Variants in RIMS1 observed in about 807,000 individuals in gnomAD.
RIMS1 encodes the protein regulating synaptic membrane exocytosis 1, also known as regulating synaptic membrane exocytosis protein 1.
A neutral mutation model predicts 214.1 loss-of-function variants in RIMS1; 83 were observed. The observed-to-expected ratio is 0.39, with a 90% CI of 0.32 to 0.47. RIMS1 has a LOEUF of 0.47. Ranked by LOEUF, RIMS1 falls within the 20% of genes least tolerant of loss-of-function variation. The pLI, the probability that RIMS1 is intolerant of heterozygous loss-of-function variation, is 0.99. For missense variants in RIMS1, 2,050 were observed against 2,161.8 expected (o/e 0.95, Z 1.03); for synonymous variants, 793 against 786.8 (o/e 1.01, Z -0.13).
At chr6:72,082,555 T>G (rs1833670903) in intron 2 of RIMS1, among the ~76,000 whole-genome samples, 1 of 152,184 alleles carries the variant, frequency 6.6e-6, no homozygotes, top group Admixed American at 6.5e-5. Context: ...CTAGAACCAC[T>G]GGGCTCTGCT....
chr6:72,325,479 T>A (rs2096413386), intron 28 of RIMS1, among the ~76,000 whole-genome samples: 1 of 151,096 alleles, frequency 6.6e-6, no homozygotes, highest in Non-Finnish European at 1.5e-5. Context: ...ACTATTAGAA[T>A]TAATGAATTT....
intron 2 of RIMS1, among the ~76,000 whole-genome samples, chr6:71,981,808 T>C (rs1246202364): frequency 6.6e-6 from 1 of 152,136 alleles, no homozygotes; most frequent in African/African-American, 2.4e-5. Context: ...TCATTCACTT[T>C]TTCATTTCTT....
At chr6:72,329,233 G>T (rs1387065398) in intron 28 of RIMS1, among the ~76,000 whole-genome samples, 2 of 151,650 alleles carry the variant, frequency 1.3e-5, no homozygotes, top group Non-Finnish European at 3.0e-5. Flanking sequence ...GTCTTTGGTG[G>T]GACTTCCAGT....
At chr6:72,254,876 A>G (rs1180876244) in intron 16 of RIMS1, among the ~76,000 whole-genome samples, 1 of 152,176 alleles carries the variant, frequency 6.6e-6, no homozygotes, top group Non-Finnish European at 1.5e-5. Flanking sequence ...AAACATGCAT[A>G]ATCTCTGTTA....
At chr6:72,220,070 A>G (rs1413857803) in intron 6 of RIMS1, among the ~76,000 whole-genome samples, 1 of 152,056 alleles carries the variant, frequency 6.6e-6, no homozygotes, top group East Asian at 1.9e-4. Flanking sequence ...CTTGCTCTCT[A>G]TATGTACTCA....
intron 2 of RIMS1, among the ~76,000 whole-genome samples, chr6:72,036,163 A>G (rs1262394610): frequency 6.6e-6 from 1 of 152,164 alleles, no homozygotes; most frequent in East Asian, 1.9e-4. Flanking sequence ...GCAAAGAGTG[A>G]ATCATTGTGT....
At chr6:72,069,017 G>A (rs1408458490) in intron 2 of RIMS1, among the ~76,000 whole-genome samples, 1 of 152,072 alleles carries the variant, frequency 6.6e-6, no homozygotes, top group Admixed American at 6.5e-5. Context: ...ACAAACTGAG[G>A]GAGTAATCTA....
chr6:72,027,468 A>T (rs1004380715), intron 2 of RIMS1, among the ~76,000 whole-genome samples: 12 of 152,186 alleles, frequency 7.9e-5, no homozygotes, highest in African/African-American at 2.9e-4. Flanking sequence ...CAGAGAATGT[A>T]AATAATATAT....
intron 1 of RIMS1, among the ~76,000 whole-genome samples, chr6:71,895,080 T>C (rs1309738805): frequency 2.6e-5 from 4 of 152,176 alleles, no homozygotes; most frequent in South Asian, 2.1e-4. Flanking sequence ...AGTCTTACAC[T>C]ACTTAGCTTC....
chr6:72,208,895 C>A (rs1009842256), intron 6 of RIMS1, among the ~76,000 whole-genome samples: 9 of 152,122 alleles, frequency 5.9e-5, no homozygotes, highest in African/African-American at 2.2e-4. Flanking sequence ...CTATTCTGAT[C>A]CCCTTTATTC....
intron 1 of RIMS1, among the ~76,000 whole-genome samples, chr6:71,925,842 G>T (rs1781419022): frequency 6.6e-6 from 1 of 152,126 alleles, no homozygotes; most frequent in Non-Finnish European, 1.5e-5. Flanking sequence ...CCATGTTGTT[G>T]TCTTACCAAT....
intron 4 of RIMS1, among the ~76,000 whole-genome samples, chr6:72,102,492 CAA>C (rs1562315571): frequency 3.3e-5 from 5 of 151,968 alleles, no homozygotes; most frequent in Admixed American, 6.6e-5. Context: ...ACTAAATTGA[CAA>C]AGTTACAATT....
chr6:72,248,330 A>G (rs1261434982), intron 12 of RIMS1, among the ~76,000 whole-genome samples: 1 of 152,174 alleles, frequency 6.6e-6, no homozygotes. Context: ...GAGTGCTTGC[A>G]GTGTGCCAGA....
chr6:71,959,953 A>G (rs1467005412), intron 1 of RIMS1, among the ~76,000 whole-genome samples: 3 of 152,128 alleles, frequency 2.0e-5, no homozygotes, highest in Admixed American at 6.6e-5. Flanking sequence ...TGACATGACC[A>G]AAAGCATGTG....
chr6:72,148,456 TCC>T (rs113192979), intron 4 of RIMS1, among the ~76,000 whole-genome samples: 6 of 152,292 alleles, frequency 3.9e-5, no homozygotes, highest in African/African-American at 1.4e-4. Flanking sequence ...GGCAGTGCCA[TCC>T]ATGGGTGCCA....
chr6:72,002,904 C>A (rs1401348413), intron 2 of RIMS1, among the ~76,000 whole-genome samples: 1 of 152,188 alleles, frequency 6.6e-6, no homozygotes, highest in African/African-American at 2.4e-5. Context: ...GAGTAATTGT[C>A]CTTTTACATA....
intron 2 of RIMS1, among the ~76,000 whole-genome samples, chr6:72,016,492 G>A (rs554160327): frequency 6.6e-6 from 1 of 152,224 alleles, no homozygotes; most frequent in Non-Finnish European, 1.5e-5. Context: ...AGAAAGGAAT[G>A]GAATAAGTGA....
chr6:72,207,705 C>G (rs1344485345), intron 6 of RIMS1, among the ~76,000 whole-genome samples: 1 of 152,122 alleles, frequency 6.6e-6, no homozygotes. Flanking sequence ...GAAATTACTT[C>G]CAGTTTACAC....
intron 24 of RIMS1, among the ~76,000 whole-genome samples, chr6:72,286,136 G>A (rs1365451102): frequency 6.6e-6 from 1 of 151,956 alleles, no homozygotes; most frequent in Non-Finnish European, 1.5e-5. Flanking sequence ...GGTGGAGGTT[G>A]CGGTGAGCCG....
Sources: gnomAD v4.1 joint callset for allele counts (sites outside exome capture counted in the v4.1 genomes callset) on GRCh38, gnomAD v4.1.1 for gene constraint, MANE v1.5 for transcripts, NCBI Gene and HGNC (gene_info 2026-07-23, HGNC 2026-07-21) for gene names.